TCF7L2: variants seen among roughly 807,000 people sequenced by gnomAD.
TCF7L2 encodes transcription factor 7 like 2, also known as transcription factor 7-like 2.
Under a neutral mutation model 77.9 loss-of-function variants are expected in TCF7L2, and 23 were observed. The ratio of observed to expected loss-of-function variants is 0.30; its 90% confidence interval spans 0.21 to 0.42. TCF7L2 has a LOEUF of 0.42. TCF7L2 is among the 10% of genes least tolerant of loss of function. TCF7L2 has a pLI of 1.00. For missense variants in TCF7L2, 654 were observed against 793.1 expected (o/e 0.82, Z 2.11); for synonymous variants, 413 against 340.2 (o/e 1.21, Z -2.36).
At chr10:112,954,465 A>G (rs747853294) in intron 3 of TCF7L2, among the ~76,000 whole-genome samples, 6 of 152,206 alleles carry the variant, frequency 3.9e-5, no homozygotes, top group African/African-American at 4.8e-5. Flanking sequence ...ATAAAGCTTG[A>G]TAGTAATAAT....
At position 112,955,641 on chromosome 10, in the gene TCF7L2, C is replaced by T. The variant is rs149743667; in HGVS notation, c.381+4034C>T. 9.4e-3 allele frequency among the ~76,000 whole-genome samples: 1,430 copies of T among 152,194 alleles called. 7 individuals carry two copies. The highest frequency in any genetic ancestry group is 0.016 in the Non-Finnish European group (1,067 of 68,008). ...GAAAGAGTTTTTTGAGGAAAACAAT[C>T]CTCGTTCTTGCTAGGAGTTCTTCAC... On this transcript the variant is annotated intron_variant, in intron 3 of 13. Coordinates refer to ENST00000627217, the MANE Select transcript of TCF7L2 (RefSeq NM_001146274.2).
intron 3 of TCF7L2, among the ~76,000 whole-genome samples, chr10:112,957,864 C>A (rs559287161): frequency 1.1e-4 from 17 of 152,228 alleles, no homozygotes; most frequent in African/African-American, 3.6e-4. Flanking sequence ...GTGGGCTGTT[C>A]TGGTGTATTA....
At chr10:113,031,115 T>C (rs1449251716) in intron 4 of TCF7L2, among the ~76,000 whole-genome samples, 3 of 152,208 alleles carry the variant, frequency 2.0e-5, no homozygotes, top group African/African-American at 7.2e-5. Context: ...GCGTTCTGGT[T>C]TCAGTCCCTC....
intron 4 of TCF7L2, among the ~76,000 whole-genome samples, chr10:113,000,577 T>G (rs1311061770): frequency 6.6e-6 from 1 of 152,166 alleles, no homozygotes; most frequent in Non-Finnish European, 1.5e-5. Context: ...AGCTATTCAA[T>G]AGCTGCCAAG....
At chr10:113,080,560 T>C (rs2059218584) in intron 5 of TCF7L2, among the ~76,000 whole-genome samples, 1 of 152,242 alleles carries the variant, frequency 6.6e-6, no homozygotes, top group Admixed American at 6.5e-5. Context: ...TGATCCTGCC[T>C]GTGGGAATGC....
At chr10:113,131,697 A>G (rs11196239) in intron 5 of TCF7L2, among the ~76,000 whole-genome samples, 24,710 of 152,220 alleles carry the variant, frequency 0.16, 2,470 homozygotes, top group Middle Eastern at 0.33. Flanking sequence ...ATTTTCTGGA[A>G]GCAGCAGAGC....
At chr10:113,017,154 T>C (rs907701841) in intron 4 of TCF7L2, among the ~76,000 whole-genome samples, 10 of 152,186 alleles carry the variant, frequency 6.6e-5, no homozygotes, top group African/African-American at 2.4e-4. Context: ...TTGATAGAGA[T>C]CTACTGTCCA....
rs548702453 is a variant in TCF7L2 at position 113,115,278 on chromosome 10, A to T, written c.553-25906A>T. Among the ~76,000 whole-genome samples the T allele has an allele frequency of 2.6e-5, 4 of 152,364 alleles. No homozygotes were observed. The South Asian group carries it at 8.3e-4, about 32-fold the overall frequency. On this transcript the variant is annotated intron_variant, in intron 5 of 13. Transcript: ENST00000627217. Reference sequence around the variant, plus strand: ...CAGCATGAAGGTGAGATCTAAGCTTACTAATTAGATCGAATGCAGTTTGAC... The same window carrying T: ...CAGCATGAAGGTGAGATCTAAGCTTTCTAATTAGATCGAATGCAGTTTGAC...
intron 5 of TCF7L2, among the ~76,000 whole-genome samples, chr10:113,133,626 G>A (rs1454449589): frequency 2.0e-5 from 3 of 152,168 alleles, no homozygotes; most frequent in East Asian, 1.9e-4. Context: ...CTGACTGCAC[G>A]TTTCTCCTCT....
intron 3 of TCF7L2, among the ~76,000 whole-genome samples, chr10:112,963,717 G>A (rs2035862133): frequency 6.6e-6 from 1 of 152,194 alleles, no homozygotes; most frequent in Non-Finnish European, 1.5e-5. Flanking sequence ...TGAGAATTGG[G>A]TGAACAATCT....
At chr10:113,082,026 C>T (rs1226461019) in intron 5 of TCF7L2, among the ~76,000 whole-genome samples, 12 of 152,104 alleles carry the variant, frequency 7.9e-5, no homozygotes, top group Non-Finnish European at 1.3e-4. Flanking sequence ...TTAGTAGACA[C>T]AGGGTTTCAC....
At chr10:113,085,259 G>A (rs1305271924) in intron 5 of TCF7L2, among the ~76,000 whole-genome samples, 1 of 149,380 alleles carries the variant, frequency 6.7e-6, no homozygotes, top group Non-Finnish European at 1.5e-5. Flanking sequence ...TAGTAGAGAC[G>A]AGGTCTTGCT....
chr10:113,074,100 T>G (rs2058433545), intron 5 of TCF7L2, among the ~76,000 whole-genome samples: 1 of 152,146 alleles, frequency 6.6e-6, no homozygotes, highest in Admixed American at 6.5e-5. Flanking sequence ...ACACCAAAGG[T>G]CAGCCAGGGT....
chr10:113,145,286 G>T (rs2069154395), intron 7 of TCF7L2, among the ~76,000 whole-genome samples: 1 of 152,076 alleles, frequency 6.6e-6, no homozygotes, highest in Non-Finnish European at 1.5e-5. Flanking sequence ...CCCTCGAATA[G>T]TTCTCAGTGA....
chr10:113,133,243 C>G (rs953475562), intron 5 of TCF7L2: 1 of 152,172 alleles, frequency 6.6e-6, no homozygotes, highest in Non-Finnish European at 1.5e-5. Context: ...TTTCCAGGTT[C>G]GAATGTTCCT....
intron 5 of TCF7L2, among the ~76,000 whole-genome samples, chr10:113,095,848 C>T (rs1468699357): frequency 2.6e-5 from 4 of 152,234 alleles, no homozygotes; most frequent in Non-Finnish European, 5.9e-5. Context: ...TTGACACCCC[C>T]CAGGGTGCTG....
chr10:113,057,475 G>A (rs975517816), intron 5 of TCF7L2, among the ~76,000 whole-genome samples: 2 of 152,172 alleles, frequency 1.3e-5, no homozygotes, highest in Non-Finnish European at 1.5e-5. Flanking sequence ...CTGGCCCCAG[G>A]CAATAATATA....
At chr10:113,094,983 G>A (rs150779742) in intron 5 of TCF7L2, among the ~76,000 whole-genome samples, 6 of 152,156 alleles carry the variant, frequency 3.9e-5, no homozygotes, top group East Asian at 3.9e-4. Flanking sequence ...AGCTGGGTAC[G>A]TGGTCCCAGC....
At chr10:112,977,358 T>G (rs1165389544) in intron 4 of TCF7L2, among the ~76,000 whole-genome samples, 1 of 152,214 alleles carries the variant, frequency 6.6e-6, no homozygotes, top group Non-Finnish European at 1.5e-5. Context: ...TTAAGTTGAT[T>G]CAGTAAGCAT....
Sources: allele counts gnomAD v4.1 joint callset (sites outside exome capture counted in the v4.1 genomes callset), GRCh38; gene constraint gnomAD v4.1.1; transcripts MANE v1.5; gene names NCBI Gene and HGNC (gene_info 2026-07-23, HGNC 2026-07-21).